ADGRG7: variants seen among roughly 807,000 people sequenced by gnomAD.
ADGRG7 encodes G-protein coupled receptor 128.
Under a neutral mutation model 88.6 loss-of-function variants are expected in ADGRG7, and 82 were observed. That is an observed-to-expected ratio of 0.93 (90% CI 0.77 to 1.11). The LOEUF (loss-of-function observed/expected upper bound fraction) is 1.11. Among genes scored for constraint, ADGRG7 ranks in the 50% most tolerant of loss-of-function variants. The pLI is 0.00. For missense variants in ADGRG7, 945 were observed against 953.4 expected, an observed-to-expected ratio of 0.99 and a Z score of 0.12; for synonymous variants, 381 against 345.2, an observed-to-expected ratio of 1.10 and a Z score of -1.15.
chr3:100,686,851 C>T (rs550889827), intron 15 of ADGRG7, among the ~76,000 whole-genome samples: 206 of 152,224 alleles, frequency 1.4e-3, no homozygotes, highest in African/African-American at 2.8e-3. Flanking sequence ...ATTGACTTGG[C>T]GATGCGGGCT....
chr3:100,676,714 A>G (rs1050756899), intron 15 of ADGRG7, among the ~76,000 whole-genome samples: 4 of 151,906 alleles, frequency 2.6e-5, no homozygotes, highest in African/African-American at 9.7e-5. Context: ...ATCTCTAGCT[A>G]TTGTCGTATT....
intron 1 of ADGRG7, among the ~76,000 whole-genome samples, chr3:100,616,345 A>T (rs1195068681): frequency 2.0e-5 from 3 of 152,232 alleles, no homozygotes; most frequent in Non-Finnish European, 4.4e-5. Flanking sequence ...CTGAAAGAGA[A>T]TATAAAATAT....
chr3:100,631,013 T>C (rs867747519), intron 3 of ADGRG7, among the ~76,000 whole-genome samples: 6 of 152,166 alleles, frequency 3.9e-5, no homozygotes, highest in African/African-American at 1.4e-4. Context: ...TTCATATGAA[T>C]CAGTTGTTTG....
chr3:100,675,550 GTTTC>G (rs533124308), intron 15 of ADGRG7, among the ~76,000 whole-genome samples: 11 of 151,942 alleles, frequency 7.2e-5, no homozygotes, highest in South Asian at 2.1e-4. Flanking sequence ...TTGGCCTGTA[GTTTC>G]TTTCTTTCTT....
intron 14 of ADGRG7, among the ~76,000 whole-genome samples, chr3:100,665,731 G>C (rs542704847): frequency 1.3e-5 from 2 of 152,276 alleles, no homozygotes; most frequent in South Asian, 2.1e-4. Flanking sequence ...CTTGGTAAAG[G>C]CTTCTTTGCC....
chr3:100,689,532 T>G (rs532315477), intron 15 of ADGRG7, among the ~76,000 whole-genome samples: 2 of 152,352 alleles, frequency 1.3e-5, no homozygotes, highest in Admixed American at 1.3e-4. Context: ...CTTTCCATAT[T>G]TAGTGCTTCC....
At chr3:100,666,456 A>G (rs1166790583) in intron 14 of ADGRG7, among the ~76,000 whole-genome samples, 2 of 152,232 alleles carry the variant, frequency 1.3e-5, no homozygotes, top group Non-Finnish European at 2.9e-5. Flanking sequence ...GTGCTTTTAG[A>G]TATGCATACA....
At chr3:100,659,249 G>A (rs541404118) in intron 13 of ADGRG7, among the ~76,000 whole-genome samples, 89 of 151,504 alleles carry the variant, frequency 5.9e-4, no homozygotes, top group Non-Finnish European at 1.0e-3. Context: ...TGGCTAACAC[G>A]GTGAAACTCC....
chr3:100,636,760 A>G (rs1446577110), intron 5 of ADGRG7, among the ~76,000 whole-genome samples: 2 of 152,362 alleles, frequency 1.3e-5, no homozygotes, highest in African/African-American at 2.4e-5. Flanking sequence ...GGAAGGATTA[A>G]CAAGTAGGCA....
chr3:100,635,706 C>T lies in ADGRG7; in HGVS notation c.477C>T (p.Asn159=), dbSNP rs775161306. 6 of 1,613,842 alleles carry T rather than the reference C, an allele frequency of 3.7e-6. No homozygotes were observed. Among genetic ancestry groups the T allele is most frequent in the East Asian group, 2.2e-5 (1 of 44,864 alleles). Residue 159 remains asparagine, a synonymous_variant, in exon 5 of 16, where the codon AAC becomes AAT. Coordinates refer to ENST00000273352, the MANE Select transcript of ADGRG7 (RefSeq NM_032787.3). The part of the protein sequence containing the change: ...QVKDVTAPLN[N]ISSEVQILTS... ...AGGATGTCACAGCACCACTTAATAA[C>T]ATTTCTTCTGAAGTCCAGATTTTAA...
At chr3:100,656,873 T>C (rs1331715020) in intron 13 of ADGRG7, among the ~76,000 whole-genome samples, 2 of 152,148 alleles carry the variant, frequency 1.3e-5, no homozygotes, top group Admixed American at 6.5e-5. Flanking sequence ...TCCCAGATAC[T>C]ACGTTTGATT....
chr3:100,651,921 C>T (rs2094929771), intron 11 of ADGRG7, among the ~76,000 whole-genome samples: 1 of 151,856 alleles, frequency 6.6e-6, no homozygotes, highest in South Asian at 2.1e-4. Context: ...GGTTATGTCC[C>T]AATAAACCCA....
intron 8 of ADGRG7, among the ~76,000 whole-genome samples, chr3:100,645,099 C>T (rs1707720002): frequency 1.3e-5 from 2 of 152,178 alleles, no homozygotes; most frequent in African/African-American, 2.4e-5. Flanking sequence ...CCTTTTATCA[C>T]TTGTGAAAGA....
At chr3:100,684,299 T>C (rs1011466619) in intron 15 of ADGRG7, among the ~76,000 whole-genome samples, 2 of 79,700 alleles carry the variant, frequency 2.5e-5, no homozygotes, top group African/African-American at 9.7e-5. Flanking sequence ...GGTCTTTCTC[T>C]GTCACCCAGG....
chr3:100,676,480 A>AT (rs1028350567), intron 15 of ADGRG7, among the ~76,000 whole-genome samples: 7 of 152,032 alleles, frequency 4.6e-5, no homozygotes, highest in Non-Finnish European at 1.0e-4. Context: ...ATATAATTTC[A>AT]TTTTTTTGGA....
chr3:100,641,149 A>G (rs1334948899), intron 6 of ADGRG7, among the ~76,000 whole-genome samples: 1 of 152,192 alleles, frequency 6.6e-6, no homozygotes, highest in Non-Finnish European at 1.5e-5. Context: ...GTTTAAAGAG[A>G]GTTCGTTCAA....
chr3:100,672,999 G>T (rs963373358), intron 15 of ADGRG7, among the ~76,000 whole-genome samples: 1 of 152,132 alleles, frequency 6.6e-6, no homozygotes, highest in Non-Finnish European at 1.5e-5. Context: ...GTTCATCAGG[G>T]ATACTGGCCT....
intron 3 of ADGRG7, among the ~76,000 whole-genome samples, chr3:100,632,465 A>T (rs1037944022): frequency 6.6e-6 from 1 of 152,142 alleles, no homozygotes; most frequent in Admixed American, 6.6e-5. Flanking sequence ...GGATATTTGC[A>T]CTTTTAGGTA....
At chr3:100,690,812 G>T (rs1275751288) in intron 15 of ADGRG7, among the ~76,000 whole-genome samples, 2 of 152,204 alleles carry the variant, frequency 1.3e-5, no homozygotes, top group Non-Finnish European at 2.9e-5. Flanking sequence ...CTACTCGGGG[G>T]TCAGGGACCC....
Sources: gnomAD v4.1 joint callset for allele counts (sites outside exome capture counted in the v4.1 genomes callset) on GRCh38, gnomAD v4.1.1 for gene constraint, MANE v1.5 for transcripts, NCBI Gene and HGNC (gene_info 2026-07-23, HGNC 2026-07-21) for gene names.